Variants in DSCAML1 observed in about 807,000 individuals in gnomAD.
DSCAML1 encodes DS cell adhesion molecule like 1, also known as cell adhesion molecule DSCAML1.
In DSCAML1, 38 loss-of-function variants were observed where a neutral mutation model predicts 200.5. The ratio of observed to expected loss-of-function variants is 0.19; its 90% CI spans 0.15 to 0.25. The LOEUF is 0.25. DSCAML1 is among the 10% of genes least tolerant of loss of function. The probability of loss-of-function intolerance (pLI) is 1.00; values close to 1 mark genes in which losing one functional copy is unlikely to be tolerated. For missense variants in DSCAML1, 2,223 were observed against 2,858.8 expected (o/e 0.78, Z 5.07); for synonymous variants, 1,215 against 1,165.0 (o/e 1.04, Z -0.87).
intron 4 of DSCAML1, among the ~76,000 whole-genome samples, chr11:117,531,757 A>G (rs2050079992): frequency 6.6e-6 from 1 of 151,964 alleles, no homozygotes; most frequent in South Asian, 2.1e-4. Context: ...GTGGTGGCGC[A>G]TGCCTATAAT....
intron 3 of DSCAML1, among the ~76,000 whole-genome samples, chr11:117,746,281 A>T (rs2054517217): frequency 6.9e-6 from 1 of 144,888 alleles, no homozygotes; most frequent in African/African-American, 2.5e-5. Flanking sequence ...GTGAATTTTT[A>T]TTATTATAAT....
At chr11:117,454,307 A>G (rs891094110) in intron 19 of DSCAML1, among the ~76,000 whole-genome samples, 17 of 152,122 alleles carry the variant, frequency 1.1e-4, no homozygotes, top group Non-Finnish European at 2.5e-4. Context: ...CTGTATACAC[A>G]CTGAAGTTTA....
intron 3 of DSCAML1, among the ~76,000 whole-genome samples, chr11:117,543,897 G>A (rs2050320119): frequency 6.6e-6 from 1 of 152,108 alleles, no homozygotes; most frequent in African/African-American, 2.4e-5. Flanking sequence ...TTCACATGGG[G>A]TTGGGAGCTG....
intron 3 of DSCAML1, among the ~76,000 whole-genome samples, chr11:117,702,620 G>T (rs754255916): frequency 6.6e-6 from 1 of 151,984 alleles, no homozygotes; most frequent in Non-Finnish European, 1.5e-5. Context: ...ATTGCCTGGC[G>T]CATAGTAGGT....
chr11:117,750,896 A>C (rs567793608), intron 3 of DSCAML1, among the ~76,000 whole-genome samples: 292 of 152,264 alleles, frequency 1.9e-3, no homozygotes, highest in African/African-American at 6.9e-3. Flanking sequence ...GTAGGTTTCC[A>C]TGGGCAGGAT....
At chr11:117,773,498 G>A (rs2055074122) in intron 3 of DSCAML1, among the ~76,000 whole-genome samples, 1 of 149,344 alleles carries the variant, frequency 6.7e-6, no homozygotes, top group African/African-American at 2.5e-5. Context: ...CCTACCATGA[G>A]AAGTGCCATC....
intron 19 of DSCAML1, 70 bp from the exon 20 acceptor site, chr11:117,450,758 T>C: frequency 6.5e-7 from 1 of 1,544,886 alleles, no homozygotes; most frequent in Non-Finnish European, 8.7e-7. Flanking sequence ...ATGACAGAGT[T>C]GGGAGAGGGA....
intron 3 of DSCAML1, among the ~76,000 whole-genome samples, chr11:117,545,903 C>T (rs1015320963): frequency 6.6e-6 from 1 of 152,250 alleles, no homozygotes; most frequent in African/African-American, 2.4e-5. Flanking sequence ...ATGTCAAGAG[C>T]AGCCTCCTGT....
At chr11:117,792,219 C>T (rs1257385068) in intron 1 of DSCAML1, among the ~76,000 whole-genome samples, 1 of 152,166 alleles carries the variant, frequency 6.6e-6, no homozygotes, top group Non-Finnish European at 1.5e-5. Flanking sequence ...TCTGTGGGCT[C>T]TGGTGGGCCA....
At position 117,458,797 on chromosome 11, in the gene DSCAML1, G is replaced by A. The variant is rs755969931; in HGVS notation, c.3525C>T (p.Asp1175=). ...VQVLAYTQAG[D]GVRSSVLYIQ... is the part of the protein sequence containing the mutation. ...TGTAGAGCACACTGCTGCGTACGCCGTCCCCAGCCTGGGTGTAGGCCAGCA... is the reference window on the plus strand; with the variant it reads ...TGTAGAGCACACTGCTGCGTACGCCATCCCCAGCCTGGGTGTAGGCCAGCA... Residue 1175 remains aspartate, a synonymous_variant, in exon 19 of 33, where the codon GAC becomes GAT. Coordinates refer to ENST00000651296, the MANE Select transcript of DSCAML1 (RefSeq NM_020693.4). The A allele has an allele frequency of 1.6e-5, 26 of 1,613,794 alleles. No homozygotes were observed. In the Middle Eastern group the frequency reaches 4.9e-4, roughly 31 times the overall value.
chr11:117,728,100 T>C (rs1283709019), intron 3 of DSCAML1, among the ~76,000 whole-genome samples: 1 of 152,158 alleles, frequency 6.6e-6, no homozygotes, highest in African/African-American at 2.4e-5. Flanking sequence ...GTGGGATTTA[T>C]CCCAGGAATG....
intron 3 of DSCAML1, among the ~76,000 whole-genome samples, chr11:117,556,174 G>A (rs1478019014): frequency 6.6e-6 from 1 of 152,190 alleles, no homozygotes; most frequent in Admixed American, 6.5e-5. Flanking sequence ...GAAGTGATCA[G>A]CATGGGGCCT....
rs555077432 is a variant in DSCAML1, at chr11:117,469,151, T to C, written c.3024+759A>G. Among the ~76,000 whole-genome samples, 1 of 152,090 alleles carries C rather than the reference T, an allele frequency of 6.6e-6. No homozygotes were observed. Among genetic ancestry groups the C allele is most frequent in the Non-Finnish European group, 1.5e-5 (1 of 68,020 alleles). On this transcript the variant is annotated intron_variant, in intron 16 of 32. Coordinates refer to ENST00000651296, the MANE Select transcript of DSCAML1 (RefSeq NM_020693.4). This position sits in a 1 kb window ranked among gnomAD's most constrained non-coding sequence, Gnocchi z 4.1. ...ATCTTGTCTCCATGGCCTCCTCTGG[T>C]GGAAGGGGATAAAAGTGCCTTCTCT...
At chr11:117,526,261 C>G (rs1477926463) in intron 4 of DSCAML1, among the ~76,000 whole-genome samples, 1 of 152,200 alleles carries the variant, frequency 6.6e-6, no homozygotes, top group African/African-American at 2.4e-5. Flanking sequence ...CCAAGGCCTT[C>G]TATGATCTGG....
chr11:117,785,287 C>A (rs1049397954), intron 1 of DSCAML1, among the ~76,000 whole-genome samples: 2 of 152,060 alleles, frequency 1.3e-5, no homozygotes, highest in Non-Finnish European at 2.9e-5. Flanking sequence ...TAGCCAGGAG[C>A]CATGGGGAGG....
intron 3 of DSCAML1, among the ~76,000 whole-genome samples, chr11:117,605,559 G>C (rs1382700781): frequency 6.6e-6 from 1 of 152,222 alleles, no homozygotes; most frequent in Non-Finnish European, 1.5e-5. Context: ...TGGGCACGTG[G>C]AGTCTGTCGT....
chr11:117,558,026 A>AATG (rs754518232), intron 3 of DSCAML1, among the ~76,000 whole-genome samples: 27 of 152,120 alleles, frequency 1.8e-4, no homozygotes, highest in Non-Finnish European at 1.8e-4. Flanking sequence ...CCAAAATGTC[A>AATG]ATGATGGACA....
In DSCAML1 at chr11:117,437,378, G is replaced by A. The variant is rs937447570; in HGVS notation, c.4464C>T (p.Phe1488=). The change falls in exon 26 of 33, where the codon TTC becomes TTT. Residue 1488 remains phenylalanine, a synonymous_variant. Coordinates refer to ENST00000651296, the MANE Select transcript of DSCAML1 (RefSeq NM_020693.4). The surrounding 1 kb of genome is among the most constrained non-coding windows in gnomAD (Gnocchi z 5.3). ...EPSFSKDQHL[F]THINSTHARL... ...GAGCATGCGTGGAGTTGATGTGGGT[G>A]AAGAGGTGTTGGTCTTTGCTGAAGG... 14 of 1,613,968 alleles carry A rather than the reference G, an allele frequency of 8.7e-6. No individual in the cohort carries two copies. In the East Asian group the frequency reaches 2.9e-4, roughly 33 times the overall value.
chr11:117,444,480 C>T (rs1592587586), intron 20 of DSCAML1, among the ~76,000 whole-genome samples: 1 of 152,278 alleles, frequency 6.6e-6, no homozygotes, highest in East Asian at 1.9e-4. Flanking sequence ...CCTGCTCTGG[C>T]TCCCGTCACC....
Sources: gnomAD v4.1 joint callset for allele counts (sites outside exome capture counted in the v4.1 genomes callset) on GRCh38, gnomAD v4.1.1 for gene constraint, Gnocchi (gnomAD v3.1) non-coding constraint, MANE v1.5 for transcripts, NCBI Gene and HGNC (gene_info 2026-07-23, HGNC 2026-07-21) for gene names.